The following SRP68 variants were observed in gnomAD, a reference collection of about 807,000 sequenced individuals.
SRP68 encodes the protein signal recognition particle 68.
SRP68 carries 15 observed loss-of-function variants against 82.2 expected under a neutral mutation model. The observed-to-expected ratio is 0.18, with a 90% CI of 0.12 to 0.28. The LOEUF (loss-of-function observed/expected upper bound fraction) is 0.28, where lower values mean the gene tolerates loss of function less well. SRP68 is among the 10% of genes least tolerant of loss of function. The pLI is 1.00. For missense variants in SRP68, 595 were observed against 780.5 expected (o/e 0.76, Z 2.83); for synonymous variants, 261 against 292.6 (o/e 0.89, Z 1.10).
chr17:76,051,212 G>A (rs2066669967), intron 8 of SRP68, among the ~76,000 whole-genome samples: 1 of 152,180 alleles, frequency 6.6e-6, no homozygotes, highest in Non-Finnish European at 1.5e-5. Flanking sequence ...GACAGTCTTT[G>A]CACAAGTACT....
At chr17:76,057,048 G>C (rs1407270981) in intron 8 of SRP68, among the ~76,000 whole-genome samples, 1 of 152,212 alleles carries the variant, frequency 6.6e-6, no homozygotes, top group Non-Finnish European at 1.5e-5. Context: ...TTTAGGGCTA[G>C]GAGGTTACGA....
At chr17:76,055,791 T>C (rs1326143940) in intron 8 of SRP68, among the ~76,000 whole-genome samples, 2 of 148,844 alleles carry the variant, frequency 1.3e-5, no homozygotes, top group African/African-American at 5.0e-5. Flanking sequence ...CTTTAAGTTA[T>C]TAACTTTTTT....
intron 1 of SRP68, 135 bp from the exon 2 acceptor site, chr17:76,070,579 G>T: frequency 1.3e-6 from 1 of 769,370 alleles, no homozygotes; most frequent in Middle Eastern, 2.3e-4. Flanking sequence ...GGTGGCTCAT[G>T]CCTGTAATCC....
intron 13 of SRP68, chr17:76,041,663 C>T (rs962089226): frequency 2.6e-5 from 4 of 152,176 alleles, no homozygotes; most frequent in Non-Finnish European, 5.9e-5. Context: ...GCCTGTCACT[C>T]CCACCTGCCC....
intron 10 of SRP68, 76 bp from the exon 11 acceptor site, chr17:76,046,270 G>A: frequency 6.4e-7 from 1 of 1,563,458 alleles, no homozygotes; most frequent in Admixed American, 1.7e-5. Context: ...TACAAGTTGG[G>A]GCTGACCCAG....
rs185270983 is a variant in SRP68, at chr17:76,059,527, C to G, written c.837+781G>C. On this transcript the variant is annotated intron_variant, in intron 7 of 15. Transcript: ENST00000307877. Reference sequence around the variant, plus strand: ...ATTGCACTCCAGCCTGGCGATAGAGCAAGACTCCGACTCTAAATAAATAAA... The same window carrying G: ...ATTGCACTCCAGCCTGGCGATAGAGGAAGACTCCGACTCTAAATAAATAAA... Among the ~76,000 whole-genome samples the G allele has an allele frequency of 1.2e-3, 186 of 152,134 alleles. 1 individual carries two copies. Among genetic ancestry groups the G allele is most frequent in the Admixed American group, 3.7e-3 (56 of 15,288 alleles).
intron 7 of SRP68, among the ~76,000 whole-genome samples, chr17:76,059,397 C>G (rs1403088956): frequency 6.6e-6 from 1 of 151,984 alleles, no homozygotes; most frequent in African/African-American, 2.4e-5. Context: ...CAAAAATTAG[C>G]CGGGCGTGGT....
At chr17:76,067,086 G>T in intron 3 of SRP68, 131 bp downstream of exon 3, 1 of 708,908 alleles carries the variant, frequency 1.4e-6, no homozygotes, top group East Asian at 2.7e-5. Context: ...CCTTGCCTTA[G>T]AACACAGGAA....
chr17:76,055,360 C>A (rs2066705448), intron 8 of SRP68, among the ~76,000 whole-genome samples: 1 of 152,110 alleles, frequency 6.6e-6, no homozygotes, highest in Non-Finnish European at 1.5e-5. Context: ...ATGGTGATTT[C>A]TGAGACTCTG....
At chr17:76,046,769 G>A (rs543838499) in intron 10 of SRP68, among the ~76,000 whole-genome samples, 22 of 152,212 alleles carry the variant, frequency 1.4e-4, no homozygotes, top group South Asian at 4.1e-4. Flanking sequence ...GTGAAACCCC[G>A]TCTCTATTAA....
In SRP68 at chr17:76,046,098, A is replaced by G. The variant is rs1303868122; in HGVS notation, c.1239T>C (p.Asp413=). The change falls in exon 11 of 16, where the codon GAT becomes GAC. Residue 413 remains aspartate, a synonymous_variant. Transcript: ENST00000307877. ...GGGGCCGGGGTGAGCGCTTGCTGTC[A>G]TCCTCTGGCTGCTGCTGCAGCAGAG... The part of the protein sequence containing the change: ...QRALLQQQPE[D]DSKRSPRPQD... 6.2e-7 allele frequency: 1 copy of G among 1,613,932 alleles called. No homozygotes were observed. Among genetic ancestry groups the G allele is most frequent in the Admixed American group, 1.7e-5 (1 of 60,012 alleles).
intron 8 of SRP68, among the ~76,000 whole-genome samples, chr17:76,051,917 T>A (rs2066675781): frequency 6.6e-6 from 1 of 152,216 alleles, no homozygotes; most frequent in South Asian, 2.1e-4. Flanking sequence ...TTTATTATTT[T>A]ATGTTTTTGA....
At chr17:76,060,286 A>T in intron 7 of SRP68, 22 bp downstream of exon 7, 13 of 1,581,328 alleles carry the variant, frequency 8.2e-6, no homozygotes, top group Non-Finnish European at 1.0e-5. Context: ...GACTTTTCAC[A>T]AAAATGTACA....
At chr17:76,046,002 C>T (rs763824126) in intron 11 of SRP68, 36 bp downstream of exon 11, 1 of 1,612,194 alleles carries the variant, frequency 6.2e-7, no homozygotes, top group Non-Finnish European at 8.5e-7. Context: ...CAAAGGAAAA[C>T]CACAGGCCCT....
rs1403682125 is a variant in SRP68, at chr17:76,039,393, A to G, written c.*313T>C. 2 of 547,412 alleles carry G rather than the reference A, an allele frequency of 3.7e-6. No individual in the cohort carries two copies. Among genetic ancestry groups the G allele is most frequent in the Admixed American group, 4.4e-5 (2 of 45,142 alleles). The allele number at this position is 547,412 out of a possible 1,614,324, so 33.9% of individuals were successfully genotyped here. A position where few individuals can be genotyped will look rare whatever the true frequency, so the allele number is the denominator to read the frequency against. ...AAGGCCCCATCTGTGCCTGGTGTGG[A>G]CTCCTGAACGCATTACTGACCAAAG... On this transcript the variant is annotated 3_prime_UTR_variant, in exon 16 of 16. Coordinates refer to ENST00000307877, the MANE Select transcript of SRP68 (RefSeq NM_014230.4).
At chr17:76,040,066 C>T (rs2066577690) in intron 15 of SRP68, 133 bp from the exon 16 acceptor site, 1 of 874,118 alleles carries the variant, frequency 1.1e-6, no homozygotes. Context: ...CCGACAGCCT[C>T]CTACGAGGAG....
At chr17:76,043,140 T>G (rs1247409172) in intron 13 of SRP68, among the ~76,000 whole-genome samples, 1 of 152,062 alleles carries the variant, frequency 6.6e-6, no homozygotes, top group Non-Finnish European at 1.5e-5. Flanking sequence ...GGCTCATGCC[T>G]GTAGTCCCAG....
rs2066626776 is a variant in SRP68, at chr17:76,045,952, T to G, written c.1299+86A>C. 1.9e-6 allele frequency: 3 copies of G among 1,546,290 alleles called. No homozygotes were observed. In the South Asian group the frequency reaches 3.4e-5, roughly 18 times the overall value. Reference sequence around the variant, plus strand: ...AATAGGTCCTGCTTGTCACAGCCCTTCCGTGATACAAAGTTAAGTCACTTT... The same window carrying G: ...AATAGGTCCTGCTTGTCACAGCCCTGCCGTGATACAAAGTTAAGTCACTTT... On this transcript the variant is annotated intron_variant, in intron 11 of 15. Transcript: ENST00000307877.
At chr17:76,061,817 AT>A (rs1242258234) in intron 4 of SRP68, among the ~76,000 whole-genome samples, 1 of 152,000 alleles carries the variant, frequency 6.6e-6, no homozygotes, top group Non-Finnish European at 1.5e-5. Flanking sequence ...AAAAATAAGA[AT>A]AAATTTTAAA....
Sources: gnomAD v4.1 joint callset for allele counts (sites outside exome capture counted in the v4.1 genomes callset) on GRCh38, gnomAD v4.1.1 for gene constraint, MANE v1.5 for transcripts, NCBI Gene and HGNC (gene_info 2026-07-23, HGNC 2026-07-21) for gene names.